TAFA2: variants seen among roughly 807,000 people sequenced by gnomAD.
TAFA2 encodes TAFA chemokine like family member 2, also known as chemokine-like protein TAFA-2.
Under a neutral mutation model 18.8 loss-of-function variants are expected in TAFA2, and 7 were observed. The observed-to-expected ratio is 0.37, with a 90% CI of 0.21 to 0.70. The LOEUF (loss-of-function observed/expected upper bound fraction) is 0.70. Among genes scored for constraint, TAFA2 ranks in the 30% least tolerant of loss-of-function variants. TAFA2 has a pLI of 0.53. For synonymous variants in TAFA2, 60 were observed against 54.2 expected, an observed-to-expected ratio of 1.11 and a Z score of -0.47; for missense variants, 122 against 158.1, an observed-to-expected ratio of 0.77 and a Z score of 1.23.
chr12:61,851,403 T>G (rs1000184861), intron 2 of TAFA2, among the ~76,000 whole-genome samples: 16 of 152,250 alleles, frequency 1.1e-4, no homozygotes, highest in African/African-American at 3.9e-4. Context: ...TGGATCATTC[T>G]GAGTAAGGGA....
At chr12:61,875,818 A>AGTAAGATGTTTTTCCCTGTATTAT in intron 1 of TAFA2, among the ~76,000 whole-genome samples, 1 of 152,158 alleles carries the variant, frequency 6.6e-6, no homozygotes, top group Non-Finnish European at 1.5e-5. Flanking sequence ...CTATGAATTG[A>AGTAAGATGTTTTTCCCTGTATTAT]AACAGGTGGT....
intron 4 of TAFA2, among the ~76,000 whole-genome samples, chr12:61,716,210 CT>C (rs1869651604): frequency 6.6e-6 from 1 of 152,066 alleles, no homozygotes; most frequent in Non-Finnish European, 1.5e-5. Context: ...CAGGTTTTGC[CT>C]CTGATTGTTT....
intron 1 of TAFA2, among the ~76,000 whole-genome samples, chr12:61,891,901 G>A (rs1200211440): frequency 6.6e-6 from 1 of 152,076 alleles, no homozygotes. Context: ...ACTGGAAAGT[G>A]AAAGTGGAGA....
intron 1 of TAFA2, among the ~76,000 whole-genome samples, chr12:62,017,160 T>C (rs1167367579): frequency 6.6e-6 from 1 of 152,182 alleles, no homozygotes; most frequent in African/African-American, 2.4e-5. Context: ...GAGCCTCAGT[T>C]TCCTTGAGGG....
At chr12:61,865,222 C>T (rs377716441) in intron 2 of TAFA2, among the ~76,000 whole-genome samples, 1 of 152,276 alleles carries the variant, frequency 6.6e-6, no homozygotes, top group African/African-American at 2.4e-5. Flanking sequence ...GTCAGATACA[C>T]CAAAGGGGTC....
chr12:62,195,286 G>GTCATT (rs1394663523), upstream of TAFA2, among the ~76,000 whole-genome samples: 1 of 152,072 alleles, frequency 6.6e-6, no homozygotes, highest in African/African-American at 2.4e-5. Context: ...ATCCTTTGTT[G>GTCATT]TCATTTCAAC....
intron 2 of TAFA2, among the ~76,000 whole-genome samples, chr12:61,786,299 C>T (rs1339697483): frequency 1.3e-5 from 2 of 151,482 alleles, no homozygotes; most frequent in East Asian, 1.9e-4. Context: ...GCCTTACTTA[C>T]CTGAAAAGCA....
chr12:61,739,594 T>G (rs924371604), intron 4 of TAFA2, among the ~76,000 whole-genome samples: 1 of 152,074 alleles, frequency 6.6e-6, no homozygotes, highest in Non-Finnish European at 1.5e-5. Context: ...ACAACGTGAA[T>G]TATTTTAAAG....
intron 1 of TAFA2, among the ~76,000 whole-genome samples, chr12:62,236,030 TTTAAC>T (rs765030927): frequency 9.2e-5 from 14 of 152,246 alleles, no homozygotes; most frequent in South Asian, 4.1e-4. Context: ...GTCTCTACAC[TTTAAC>T]TTAATTCCCC....
At chr12:61,988,216 C>T (rs543409346) in intron 1 of TAFA2, among the ~76,000 whole-genome samples, 1 of 152,014 alleles carries the variant, frequency 6.6e-6, no homozygotes, top group Non-Finnish European at 1.5e-5. Context: ...ATTGCCTTGT[C>T]GGTTTCCTTT....
At chr12:61,922,319 G>A (rs1440733920) in intron 1 of TAFA2, among the ~76,000 whole-genome samples, 2 of 152,176 alleles carry the variant, frequency 1.3e-5, no homozygotes, top group East Asian at 1.9e-4. Flanking sequence ...CAAGATGGCT[G>A]AATAGGAACA....
At chr12:61,824,314 A>G (rs1454594671) in intron 2 of TAFA2, among the ~76,000 whole-genome samples, 2 of 152,154 alleles carry the variant, frequency 1.3e-5, no homozygotes, top group African/African-American at 2.4e-5. Context: ...CAGCAATGCC[A>G]TACCTGGACT....
chr12:62,219,253 T>C (rs1208739055), intron 1 of TAFA2, among the ~76,000 whole-genome samples: 1 of 152,110 alleles, frequency 6.6e-6, no homozygotes, highest in Non-Finnish European at 1.5e-5. Context: ...GTGAAATTAC[T>C]TAAAGTGTAG....
At chr12:62,058,878 C>T (rs1012844889) in intron 1 of TAFA2, among the ~76,000 whole-genome samples, 1 of 152,094 alleles carries the variant, frequency 6.6e-6, no homozygotes. Context: ...CCAAGGAGGG[C>T]GGATCACGAG....
At chr12:62,211,678 G>T (rs1008936993) in intron 1 of TAFA2, among the ~76,000 whole-genome samples, 9 of 152,186 alleles carry the variant, frequency 5.9e-5, no homozygotes, top group African/African-American at 2.2e-4. Flanking sequence ...ATCATTCAGG[G>T]GTTGGGCTTA....
At chr12:61,872,142 T>C (rs997730506) in intron 1 of TAFA2, among the ~76,000 whole-genome samples, 1 of 151,862 alleles carries the variant, frequency 6.6e-6, no homozygotes, top group Non-Finnish European at 1.5e-5. Flanking sequence ...AAAGTAAGTT[T>C]AACTGGTCTA....
intron 1 of TAFA2, among the ~76,000 whole-genome samples, chr12:61,870,741 C>T (rs1426356775): frequency 6.6e-6 from 1 of 152,140 alleles, no homozygotes; most frequent in Non-Finnish European, 1.5e-5. Flanking sequence ...CCTCCATTCC[C>T]ACCTACTCTT....
At chr12:61,819,075 G>C (rs1872213069) in intron 2 of TAFA2, among the ~76,000 whole-genome samples, 3 of 151,978 alleles carry the variant, frequency 2.0e-5, no homozygotes, top group Non-Finnish European at 4.4e-5. Context: ...ATATTTTATT[G>C]TGAATATGTT....
intron 1 of TAFA2, among the ~76,000 whole-genome samples, chr12:62,167,200 T>C (rs1178392385): frequency 1.3e-5 from 2 of 152,098 alleles, no homozygotes; most frequent in Non-Finnish European, 2.9e-5. Flanking sequence ...AAGTTACTTA[T>C]AGAGAAAGAA....
Sources: allele counts gnomAD v4.1 joint callset (sites outside exome capture counted in the v4.1 genomes callset), GRCh38; gene constraint gnomAD v4.1.1; transcripts MANE v1.5; gene names NCBI Gene and HGNC (gene_info 2026-07-23, HGNC 2026-07-21).